NALCN: variants seen among roughly 807,000 people sequenced by gnomAD.
NALCN encodes the protein sodium leak channel NALCN.
NALCN carries 111 observed loss-of-function variants against 225.3 expected under a neutral mutation model. The observed-to-expected ratio is 0.49, with a 90% CI of 0.42 to 0.58. The LOEUF is 0.58. Ranked by LOEUF, NALCN falls within the 20% of genes least tolerant of loss-of-function variation. The pLI is 0.00. For missense variants in NALCN, 1,378 were observed against 2,202.4 expected (o/e 0.63, Z 7.49); for synonymous variants, 764 against 769.0 (o/e 0.99, Z 0.11).
intron 40 of NALCN, among the ~76,000 whole-genome samples, chr13:101,062,610 T>C (rs2032045488): frequency 6.6e-6 from 1 of 152,128 alleles, no homozygotes; most frequent in African/African-American, 2.4e-5. Flanking sequence ...TAATTAATTT[T>C]TTCTTTTTTT....
intron 14 of NALCN, among the ~76,000 whole-genome samples, chr13:101,183,219 C>T (rs74117671): frequency 0.024 from 3,730 of 152,282 alleles, 148 homozygotes; most frequent in African/African-American, 0.086. Context: ...ACCTACACTA[C>T]CACATGTTGC....
At chr13:101,099,630 A>G (rs982331754) in intron 27 of NALCN, among the ~76,000 whole-genome samples, 1 of 152,162 alleles carries the variant, frequency 6.6e-6, no homozygotes, top group African/African-American at 2.4e-5. Context: ...ACACTTTATG[A>G]TATTACAAAA....
At chr13:101,152,604 T>G (rs1297702371) in intron 15 of NALCN, among the ~76,000 whole-genome samples, 1 of 152,066 alleles carries the variant, frequency 6.6e-6, no homozygotes, top group Non-Finnish European at 1.5e-5. Context: ...AAAAAAAAAC[T>G]ATTCAAATCC....
chr13:101,171,857 A>G (rs1360363860), intron 15 of NALCN, among the ~76,000 whole-genome samples: 13 of 152,236 alleles, frequency 8.5e-5, no homozygotes, highest in Non-Finnish European at 7.3e-5. Flanking sequence ...CGATTAAGCA[A>G]TAAGAAATTC....
intron 7 of NALCN, among the ~76,000 whole-genome samples, chr13:101,329,250 T>C (rs2045073142): frequency 6.6e-6 from 1 of 152,234 alleles, no homozygotes; most frequent in Non-Finnish European, 1.5e-5. Flanking sequence ...ATTTACTTGT[T>C]TTATATTTAG....
chr13:101,270,549 A>G (rs2042743218), intron 10 of NALCN, among the ~76,000 whole-genome samples: 1 of 152,228 alleles, frequency 6.6e-6, no homozygotes, highest in Admixed American at 6.5e-5. Flanking sequence ...ATAAATGCAT[A>G]CATAAATAAA....
At chr13:101,341,161 T>C (rs2045546657) in intron 7 of NALCN, among the ~76,000 whole-genome samples, 1 of 152,202 alleles carries the variant, frequency 6.6e-6, no homozygotes, top group African/African-American at 2.4e-5. Flanking sequence ...AATCCTACAG[T>C]TACATTAGCT....
intron 12 of NALCN, among the ~76,000 whole-genome samples, 179 bp from the exon 13 acceptor site, chr13:101,229,763 C>G (rs1012172832): frequency 2.6e-5 from 4 of 151,768 alleles, no homozygotes; most frequent in African/African-American, 9.7e-5. Flanking sequence ...TCAATAAATC[C>G]CAAATGAATG....
At chr13:101,235,392 C>G (rs958105833) in intron 12 of NALCN, among the ~76,000 whole-genome samples, 1 of 152,072 alleles carries the variant, frequency 6.6e-6, no homozygotes, top group African/African-American at 2.4e-5. Flanking sequence ...TAGGCAACAC[C>G]AATTTTCTTA....
intron 15 of NALCN, among the ~76,000 whole-genome samples, chr13:101,154,177 T>C (rs531342893): frequency 6.6e-6 from 1 of 152,286 alleles, no homozygotes; most frequent in East Asian, 1.9e-4. Flanking sequence ...ATTAGCTCCA[T>C]ATTATGCAAT....
At chr13:101,191,453 C>G (rs995358885) in intron 14 of NALCN, among the ~76,000 whole-genome samples, 1 of 152,066 alleles carries the variant, frequency 6.6e-6, no homozygotes, top group Non-Finnish European at 1.5e-5. Context: ...GCACATAGCA[C>G]AAAACCACTG....
chr13:101,312,441 A>C (rs2044381519), intron 7 of NALCN, among the ~76,000 whole-genome samples: 2 of 151,484 alleles, frequency 1.3e-5, no homozygotes, highest in Admixed American at 1.3e-4. Context: ...TAGTTCTTTT[A>C]ATTGTGATGT....
intron 11 of NALCN, among the ~76,000 whole-genome samples, chr13:101,256,956 G>A (rs987720480): frequency 1.3e-5 from 2 of 151,804 alleles, no homozygotes; most frequent in Non-Finnish European, 1.5e-5. Context: ...GTATAGATGG[G>A]GTTTCACCAT....
rs578150833 is a variant in NALCN, at chr13:101,198,060, T to C, written c.1627-6006A>G. ...TAGAGTGTATCATCTTCCTTGGATATATGAGAACAGGGTGAGAACCAGAGA... is the reference window on the plus strand; with the variant it reads ...TAGAGTGTATCATCTTCCTTGGATACATGAGAACAGGGTGAGAACCAGAGA... On this transcript the variant is annotated intron_variant, in intron 13 of 43. Coordinates refer to ENST00000251127, the MANE Select transcript of NALCN (RefSeq NM_052867.4). 3.3e-5 allele frequency among the ~76,000 whole-genome samples: 5 copies of C among 152,264 alleles called. No individual in the cohort carries two copies. In the South Asian group the frequency reaches 1.0e-3, roughly 32 times the overall value.
intron 37 of NALCN, among the ~76,000 whole-genome samples, chr13:101,071,633 G>C (rs1246835083): frequency 6.6e-6 from 1 of 152,144 alleles, no homozygotes; most frequent in Non-Finnish European, 1.5e-5. Context: ...GTTGTGGCTA[G>C]TCTGATCTTC....
At chr13:101,265,005 C>G (rs190855164) in intron 10 of NALCN, among the ~76,000 whole-genome samples, 12 of 152,302 alleles carry the variant, frequency 7.9e-5, no homozygotes, top group African/African-American at 2.2e-4. Flanking sequence ...TCTCCAGAGT[C>G]TCCCAAAGCA....
rs764547922 is a variant in NALCN, at chr13:101,143,137, G to C, written c.2061C>G (p.Ser687=). ...LLRSLPTTSS[S]SCDHSKRSAI... is the part of the protein sequence containing the mutation. Reference sequence around the variant, plus strand: ...CTGAGCGTTTGGAGTGGTCGCAGGAGGAGGAAGAGGTGGTCGGGAGGCTTC... The same window carrying C: ...CTGAGCGTTTGGAGTGGTCGCAGGACGAGGAAGAGGTGGTCGGGAGGCTTC... The change falls in exon 17 of 44, where the codon TCC becomes TCG. Residue 687 remains serine (S), a synonymous_variant. Transcript: ENST00000251127. 6.2e-7 allele frequency: 1 copy of C among 1,614,196 alleles called. No individual in the cohort carries two copies. Among genetic ancestry groups the C allele is most frequent in the South Asian group, 1.1e-5 (1 of 91,076 alleles).
chr13:101,271,857 G>C (rs111068202), intron 10 of NALCN, among the ~76,000 whole-genome samples: 3,614 of 151,504 alleles, frequency 0.024, 153 homozygotes, highest in African/African-American at 0.082. Context: ...GTGTGTGTGA[G>C]CATGCACGTG....
intron 11 of NALCN, among the ~76,000 whole-genome samples, chr13:101,249,756 G>C (rs2042007155): frequency 1.3e-5 from 2 of 152,058 alleles, no homozygotes; most frequent in Non-Finnish European, 2.9e-5. Flanking sequence ...TTATTAACAT[G>C]ATGAAAGGCA....
Sources: gnomAD v4.1 joint callset for allele counts (sites outside exome capture counted in the v4.1 genomes callset) on GRCh38, gnomAD v4.1.1 for gene constraint, MANE v1.5 for transcripts, NCBI Gene and HGNC (gene_info 2026-07-23, HGNC 2026-07-21) for gene names.